Variants in DMTN observed in about 807,000 individuals in gnomAD.
DMTN encodes dematin actin binding protein.
A neutral mutation model predicts 59.4 loss-of-function variants in DMTN; 27 were observed. That is an observed-to-expected ratio of 0.45 (90% CI 0.33 to 0.63). DMTN has a LOEUF of 0.63. DMTN is among the 20% of genes least tolerant of loss of function. The pLI is 0.02. For missense variants in DMTN, 451 were observed against 528.9 expected (o/e 0.85, Z 1.45); for synonymous variants, 221 against 203.7 (o/e 1.08, Z -0.72).
In DMTN at chr8:22,082,431, C is replaced by G. The variant is rs1388561329; in HGVS notation, c.*968C>G. The G allele has an allele frequency of 2.8e-6, 1 of 351,290 alleles. No individual in the cohort carries two copies. Among genetic ancestry groups the G allele is most frequent in the African/African-American group, 2.1e-5 (1 of 46,692 alleles). 21.8% of individuals were successfully genotyped at this position (351,290 alleles called of 1,614,324 possible). On this transcript the variant is annotated 3_prime_UTR_variant, in exon 16 of 16. Transcript: ENST00000358242. Reference sequence around the variant, plus strand: ...TTTTTGCCCAGGTCTGGGTATTGCTCCTGCCCAGACCCTGACATCCCTTTC... The same window carrying G: ...TTTTTGCCCAGGTCTGGGTATTGCTGCTGCCCAGACCCTGACATCCCTTTC...
rs1824301436 is a variant in DMTN, at chr8:22,081,547, G to A, written c.*84G>A. The A allele has an allele frequency of 7.9e-7, 1 of 1,257,910 alleles. No individual in the cohort carries two copies. The highest frequency in any genetic ancestry group is 1.2e-6 in the Non-Finnish European group (1 of 863,834). The allele number at this position is 1,257,910 out of a possible 1,614,324, so 77.9% of individuals were successfully genotyped here. The stretch of plus-strand genomic sequence containing the variant: ...GGCGGGTTGGGAGGGGCAGGAGGTG[G>A]GGTGGAAATAGGGTGGGCTCCTTTC... On this transcript the variant is annotated 3_prime_UTR_variant, in exon 16 of 16. Coordinates refer to ENST00000358242, the MANE Select transcript of DMTN (RefSeq NM_001387751.1).
chr8:22,079,476 C>A (rs1822684827), intron 10 of DMTN, among the ~76,000 whole-genome samples: 1 of 151,496 alleles, frequency 6.6e-6, no homozygotes, highest in Non-Finnish European at 1.5e-5. Flanking sequence ...AACAAACAAA[C>A]AAATATGAAT....
chr8:22,052,062 G>GCA (rs142017073), upstream of DMTN, among the ~76,000 whole-genome samples: 8,587 of 151,774 alleles, frequency 0.057, 328 homozygotes, highest in Non-Finnish European at 0.081. Context: ...TCCTGCTCTA[G>GCA]CACACACACA....
chr8:22,069,374 T>C, intron 5 of DMTN, 45 bp from the exon 6 acceptor site: 1 of 1,538,592 alleles, frequency 6.5e-7, no homozygotes, highest in Non-Finnish European at 8.9e-7. Context: ...ATGTGTGGGT[T>C]GGAGGGGGTT....
At chr8:22,072,481 C>T (rs1213612214) in intron 9 of DMTN, 31 bp downstream of exon 9, 1 of 1,534,352 alleles carries the variant, frequency 6.5e-7, no homozygotes. Flanking sequence ...CCCTCCACCC[C>T]TGTGCAGGAG....
At chr8:22,081,092 T>TGGGGGTGGGGGG in intron 14 of DMTN, 21 bp from the exon 15 acceptor site, 1 of 1,547,316 alleles carries the variant, frequency 6.5e-7, no homozygotes, top group Non-Finnish European at 8.9e-7. Context: ...AGCCTAAGAT[T>TGGGGGTGGGGGG]GCCCCTCCCC....
upstream of DMTN, among the ~76,000 whole-genome samples, chr8:22,054,061 G>T (rs1801672432): frequency 6.6e-6 from 1 of 151,460 alleles, no homozygotes; most frequent in African/African-American, 2.4e-5. Context: ...TGGCATGGGT[G>T]AGAAGGGTCC....
At chr8:22,054,455 C>G (rs979281546), upstream of DMTN, among the ~76,000 whole-genome samples, 1 of 152,124 alleles carries the variant, frequency 6.6e-6, no homozygotes, top group Admixed American at 6.5e-5. Context: ...GTGTGGGGCC[C>G]GCAGCCGCGT....
intron 11 of DMTN, 66 bp from the exon 12 acceptor site, chr8:22,080,346 C>G: frequency 1.2e-6 from 2 of 1,613,586 alleles, no homozygotes; most frequent in Non-Finnish European, 1.7e-6. Context: ...CGGGGAGACC[C>G]CCAAAGTGAA....
At chr8:22,072,863 G>A (rs1816804836) in intron 9 of DMTN, among the ~76,000 whole-genome samples, 1 of 150,708 alleles carries the variant, frequency 6.6e-6, no homozygotes, top group Admixed American at 6.8e-5. Flanking sequence ...TTTGGAACAT[G>A]TTGGGGAGCC....
chr8:22,063,362 G>A (rs1005722466), intron 1 of DMTN, among the ~76,000 whole-genome samples: 5 of 152,174 alleles, frequency 3.3e-5, no homozygotes, highest in Admixed American at 2.0e-4. Context: ...GACCTGGATC[G>A]CCTCTGCCTG....
At chr8:22,059,026 C>G (rs1334466995) in intron 1 of DMTN, 2 of 152,314 alleles carry the variant, frequency 1.3e-5, no homozygotes, top group Non-Finnish European at 2.9e-5. Context: ...CTGCTCCACC[C>G]TCCCTGCCCC....
upstream of DMTN, among the ~76,000 whole-genome samples, chr8:22,049,577 C>CG (rs1554529191): frequency 1.3e-5 from 2 of 150,496 alleles, no homozygotes; most frequent in African/African-American, 4.9e-5. Context: ...CAACCCCCCC[C>CG]CCCCGCCACC....
chr8:22,070,245 A>G lies in DMTN; in HGVS notation c.515A>G (p.Lys172Arg), dbSNP rs756610356. ...LIEDLIIESS[K>R]FPAAQPPDPN... ...GAGGATCTCATCATCGAGTCATCCA[A>G]GTTTCCTGCAGCCCAGCCCCCAGAC... The change falls in exon 8 of 16, where the codon AAG becomes AGG. Residue 172 changes from lysine to arginine, a missense_variant. Transcript: ENST00000358242. 11 of 1,612,834 alleles carry G rather than the reference A, an allele frequency of 6.8e-6. No homozygotes were observed. Among genetic ancestry groups the G allele is most frequent in the Admixed American group, 5.0e-5 (3 of 59,766 alleles).
At chr8:22,053,342 C>T (rs1801553963), upstream of DMTN, among the ~76,000 whole-genome samples, 1 of 152,156 alleles carries the variant, frequency 6.6e-6, no homozygotes, top group Non-Finnish European at 1.5e-5. Context: ...GAGTCCAATG[C>T]CCGGAGGCAG....
At chr8:22,053,937 G>A (rs896697032), upstream of DMTN, among the ~76,000 whole-genome samples, 1 of 152,174 alleles carries the variant, frequency 6.6e-6, no homozygotes, top group African/African-American at 2.4e-5. Context: ...CAAGCCATGG[G>A]GGAGTTCAGT....
At position 22,067,066 on chromosome 8, in the gene DMTN, G is replaced by A. The variant is rs775043470; in HGVS notation, c.19-19G>A. ...CACACACGCACGTGCCCACCCGCCC[G>A]CCTTCTCGCTCTCCCCAGCAACCAC... On this transcript the variant is annotated intron_variant, in intron 2 of 15. Transcript: ENST00000358242. The A allele has an allele frequency of 4.4e-6, 5 of 1,128,668 alleles. No homozygotes were observed. In the South Asian group the frequency reaches 7.0e-5, roughly 16 times the overall value. 69.9% of individuals were successfully genotyped at this position (1,128,668 alleles called of 1,614,324 possible).
chr8:22,072,276 C>T lies in DMTN; in HGVS notation c.605-50C>T, dbSNP rs767295770. 4 of 1,559,014 alleles carry T rather than the reference C, an allele frequency of 2.6e-6. No homozygotes were observed. The South Asian group carries it at 4.7e-5, about 18-fold the overall frequency. ...AGAGGCTGTGCCATGTAAACACACACTGACCCCATGGCGAGTGACTCCCTC... is the reference window on the plus strand; with the variant it reads ...AGAGGCTGTGCCATGTAAACACACATTGACCCCATGGCGAGTGACTCCCTC... On this transcript the variant is annotated intron_variant, in intron 8 of 15. Transcript: ENST00000358242.
intron 4 of DMTN, 108 bp downstream of exon 4, chr8:22,067,790 A>C: frequency 3.7e-6 from 5 of 1,344,708 alleles, no homozygotes; most frequent in Non-Finnish European, 5.1e-6. Flanking sequence ...GCCTCGGCAA[A>C]ACAAGAGAGG....
Sources: allele counts gnomAD v4.1 joint callset (sites outside exome capture counted in the v4.1 genomes callset), GRCh38; gene constraint gnomAD v4.1.1; transcripts MANE v1.5; gene names NCBI Gene and HGNC (gene_info 2026-07-23, HGNC 2026-07-21).